The following STAG1 variants were observed in gnomAD, a reference collection of about 807,000 sequenced individuals.
STAG1 encodes STAG1 cohesin complex component, also known as cohesin subunit SA-1.
Under a neutral mutation model 170.9 loss-of-function variants are expected in STAG1, and 26 were observed. That is an observed-to-expected ratio of 0.15 (90% CI 0.11 to 0.21). The LOEUF is 0.21. STAG1 is among the 10% of genes least tolerant of loss of function. The pLI, the probability that STAG1 is intolerant of heterozygous loss-of-function variation, is 1.00. For missense variants in STAG1, 964 were observed against 1,509.5 expected, an observed-to-expected ratio of 0.64 and a Z score of 5.99; for synonymous variants, 514 against 497.7, an observed-to-expected ratio of 1.03 and a Z score of -0.44.
In STAG1 at chr3:136,338,213, CTAAATAA is replaced by C; in HGVS notation, c.*34_*40del. 6.8e-7 allele frequency: 1 copy of C among 1,475,512 alleles called. No homozygotes were observed. The highest frequency in any genetic ancestry group is 1.4e-5 in the African/African-American group (1 of 71,878). 91.4% of individuals were successfully genotyped at this position (1,475,512 alleles called of 1,614,324 possible). A position where few individuals can be genotyped will look rare whatever the true frequency, so the allele number is the denominator to read the frequency against. Reference sequence around the variant, plus strand: ...TATCACAGTATATAGGCCTCTAGCTCTAAATAATAGAGTTCCAGATTTGTAAATTTTC... The same window carrying C: ...TATCACAGTATATAGGCCTCTAGCTCTAGAGTTCCAGATTTGTAAATTTTC... On this transcript the variant is annotated 3_prime_UTR_variant, in exon 34 of 34. Transcript: ENST00000383202.
At chr3:136,426,054 T>C (rs2088112267) in intron 16 of STAG1, among the ~76,000 whole-genome samples, 1 of 151,448 alleles carries the variant, frequency 6.6e-6, no homozygotes, top group Non-Finnish European at 1.5e-5. Context: ...TTCATTTATA[T>C]GCAGATTTTT....
chr3:136,451,178 A>G (rs1326865327), intron 14 of STAG1, among the ~76,000 whole-genome samples: 9 of 152,092 alleles, frequency 5.9e-5, no homozygotes, highest in Non-Finnish European at 1.5e-5. Context: ...TTAAAAAAAA[A>G]AAAACCCACA....
Position 136,350,089 on chromosome 3 carries a change from A to G in STAG1, c.3066-726T>C, listed in dbSNP as rs945936681. On this transcript the variant is annotated intron_variant, in intron 28 of 33. Transcript: ENST00000383202. ...CGGGAGGCGGAGGTTGCAGTAAGCC[A>G]AGACCGTGCCACTGCACTCCAGCCT... Among the ~76,000 whole-genome samples, 17 of 152,146 alleles carry G rather than the reference A, an allele frequency of 1.1e-4. 1 individual carries two copies. Among genetic ancestry groups the G allele is most frequent in the South Asian group, 2.1e-4 (1 of 4,822 alleles).
At chr3:136,518,468 C>A in intron 7 of STAG1, 1 of 679,138 alleles carries the variant, frequency 1.5e-6, no homozygotes, top group Non-Finnish European at 2.7e-6. Flanking sequence ...GTACATATAC[C>A]ATTAAAAATA....
At chr3:136,388,471 C>T (rs1356035234) in intron 22 of STAG1, among the ~76,000 whole-genome samples, 3 of 152,072 alleles carry the variant, frequency 2.0e-5, no homozygotes, top group African/African-American at 4.8e-5. Context: ...TGGGTTCAAG[C>T]GATTCTGTTG....
intron 5 of STAG1, among the ~76,000 whole-genome samples, chr3:136,547,497 TC>T (rs1182809423): frequency 6.6e-6 from 1 of 152,066 alleles, no homozygotes; most frequent in Non-Finnish European, 1.5e-5. Context: ...ACTTCCTGCT[TC>T]CCCCTCCCCC....
chr3:136,490,597 C>G (rs797006371), intron 9 of STAG1, among the ~76,000 whole-genome samples: 49 of 152,198 alleles, frequency 3.2e-4, no homozygotes, highest in African/African-American at 1.2e-3. Flanking sequence ...AAAATATCCT[C>G]TAATTAATAT....
chr3:136,748,032 C>A (rs2107959043), intron 1 of STAG1, among the ~76,000 whole-genome samples: 1 of 151,308 alleles, frequency 6.6e-6, no homozygotes, highest in East Asian at 2.0e-4. Flanking sequence ...ACCTTGGCCT[C>A]CCAAAGTGCT....
chr3:136,493,970 A>T (rs945063405), intron 9 of STAG1, among the ~76,000 whole-genome samples: 2 of 152,224 alleles, frequency 1.3e-5, no homozygotes, highest in Non-Finnish European at 2.9e-5. Context: ...ACTCAAAAAC[A>T]ACAAAAAATC....
intron 1 of STAG1, among the ~76,000 whole-genome samples, chr3:136,668,330 A>T (rs1305285049): frequency 6.8e-6 from 1 of 146,696 alleles, no homozygotes; most frequent in Non-Finnish European, 1.5e-5. Flanking sequence ...ATTATACATG[A>T]TATATACCAT....
chr3:136,439,277 T>C (rs1015914420), intron 15 of STAG1, among the ~76,000 whole-genome samples: 1 of 151,480 alleles, frequency 6.6e-6, no homozygotes, highest in African/African-American at 2.4e-5. Flanking sequence ...CAGAAGTTAC[T>C]TGATTTGGTT....
rs980727126 is a variant in STAG1 at position 136,640,593 on chromosome 3, T to G, written c.-83-9612A>C. ...CATGTTGGTCAGGCTGGTCTCCAAC[T>G]CCTGACCTCAGGTGAACCGCCCGCC... On this transcript the variant is annotated intron_variant, in intron 1 of 33. Transcript: ENST00000383202. 2.6e-5 allele frequency among the ~76,000 whole-genome samples: 4 copies of G among 151,348 alleles called. No individual in the cohort carries two copies. In the East Asian group the frequency reaches 5.8e-4, roughly 22 times the overall value.
chr3:136,371,329 T>G (rs1319677127), intron 23 of STAG1, among the ~76,000 whole-genome samples: 1 of 152,088 alleles, frequency 6.6e-6, no homozygotes, highest in Non-Finnish European at 1.5e-5. Context: ...GATGGTAGTT[T>G]CTTTTGCTGT....
At chr3:136,660,582 ACT>A (rs1338343274) in intron 1 of STAG1, among the ~76,000 whole-genome samples, 3 of 152,178 alleles carry the variant, frequency 2.0e-5, no homozygotes, top group African/African-American at 7.2e-5. Flanking sequence ...TGGGTAACAT[ACT>A]CTAAAGAGAG....
At position 136,559,806 on chromosome 3, in the gene STAG1, C is replaced by A. The variant is rs1936767825; in HGVS notation, c.394+8959G>T. Among the ~76,000 whole-genome samples the A allele has an allele frequency of 1.3e-5, 2 of 152,082 alleles. 1 individual carries two copies. The highest frequency in any genetic ancestry group is 4.1e-4 in the South Asian group (2 of 4,820). On this transcript the variant is annotated intron_variant, in intron 5 of 33. Coordinates refer to ENST00000383202, the MANE Select transcript of STAG1 (RefSeq NM_005862.3). Reference sequence around the variant, plus strand: ...AGTTTCAACAAGGGCTATCAAAAAACCAATATAAAACAGGAAATGAAGATA... The same window carrying A: ...AGTTTCAACAAGGGCTATCAAAAAAACAATATAAAACAGGAAATGAAGATA...
chr3:136,430,698 A>T (rs1364476112), intron 16 of STAG1, among the ~76,000 whole-genome samples: 6 of 151,784 alleles, frequency 4.0e-5, no homozygotes, highest in Non-Finnish European at 4.4e-5. Flanking sequence ...GCTGCATTCA[A>T]AGCTGTCCTG....
chr3:136,489,239 C>T (rs1263774932), intron 9 of STAG1, among the ~76,000 whole-genome samples: 1 of 152,168 alleles, frequency 6.6e-6, no homozygotes, highest in African/African-American at 2.4e-5. Flanking sequence ...TTGATCATTA[C>T]AATGCATCCT....
intron 5 of STAG1, among the ~76,000 whole-genome samples, chr3:136,551,662 A>G (rs1435093122): frequency 2.0e-5 from 3 of 149,676 alleles, no homozygotes; most frequent in East Asian, 2.0e-4. Context: ...GCCCAGGCTG[A>G]AGTGCAGTGG....
At chr3:136,659,461 G>C (rs1941501860) in intron 1 of STAG1, among the ~76,000 whole-genome samples, 1 of 152,082 alleles carries the variant, frequency 6.6e-6, no homozygotes, top group Non-Finnish European at 1.5e-5. Context: ...CAAGTGACCC[G>C]AGAGTTGCCA....
Sources: gnomAD v4.1 joint callset for allele counts (sites outside exome capture counted in the v4.1 genomes callset) on GRCh38, gnomAD v4.1.1 for gene constraint, MANE v1.5 for transcripts, NCBI Gene and HGNC (gene_info 2026-07-23, HGNC 2026-07-21) for gene names.